The following ZDHHC19 variants were observed in gnomAD, a reference collection of about 807,000 sequenced individuals.
ZDHHC19 encodes the protein zDHHC palmitoyltransferase 19, also known as palmitoyltransferase ZDHHC19.
A neutral mutation model predicts 33.9 loss-of-function variants in ZDHHC19; 30 were observed. That is an observed-to-expected ratio of 0.88 (90% CI 0.66 to 1.20). ZDHHC19 has a LOEUF of 1.20. Among genes scored for constraint, ZDHHC19 ranks in the 50% most tolerant of loss-of-function variants. ZDHHC19 has a pLI of 0.00. For missense variants in ZDHHC19, 364 were observed against 401.1 expected (o/e 0.91, Z 0.79); for synonymous variants, 178 against 167.6 (o/e 1.06, Z -0.48).
chr3:196,208,215 T>C (rs1722930526), intron 4 of ZDHHC19, among the ~76,000 whole-genome samples, 173 bp downstream of exon 4: 1 of 151,638 alleles, frequency 6.6e-6, no homozygotes, highest in Non-Finnish European at 1.5e-5. Context: ...GGCTTAACGC[T>C]CCGCCCCTTC....
At chr3:196,208,198 C>A (rs1722928502) in intron 4 of ZDHHC19, among the ~76,000 whole-genome samples, 190 bp downstream of exon 4, 1 of 152,096 alleles carries the variant, frequency 6.6e-6, no homozygotes, top group African/African-American at 2.4e-5. Context: ...CGCGCCGGCC[C>A]GGGGGAGGCT....
chr3:196,210,636 T>A lies in ZDHHC19; in HGVS notation c.248A>T (p.Asp83Val). The change falls in exon 2 of 8, where the codon GAC (aspartate) becomes GTC (valine). Residue 83 changes from aspartate (D) to valine (V), a missense_variant. By Grantham distance (152) the Asp-to-Val change is radical (BLOSUM62 -3). Coordinates refer to ENST00000296326, the MANE Select transcript of ZDHHC19 (RefSeq NM_001039617.2). ...FFSLVSLNFS[D>V]PGILHQGSAE... ...CTCACCTTGATGTAAGATGCCAGGG[T>A]CTGAGAAGTTGAGTGAAACAAGACT... 4 of 1,613,854 alleles carry A rather than the reference T, an allele frequency of 2.5e-6. No homozygotes were observed. Among genetic ancestry groups the A allele is most frequent in the South Asian group, 1.1e-5 (1 of 91,064 alleles).
intron 5 of ZDHHC19, among the ~76,000 whole-genome samples, chr3:196,199,107 G>A (rs752427615): frequency 5.7e-4 from 87 of 152,212 alleles, no homozygotes; most frequent in Non-Finnish European, 9.4e-4. Context: ...GAATGTCACT[G>A]TCTGGAAGGT....
rs373650309 is a variant in ZDHHC19 at position 196,207,393 on chromosome 3, C to T, written c.687+5G>A. 23 of 1,554,320 alleles carry T rather than the reference C, an allele frequency of 1.5e-5. No individual in the cohort carries two copies. Among genetic ancestry groups the T allele is most frequent in the Middle Eastern group, 3.3e-4 (2 of 5,990 alleles). ...TGCAAGCTGACCACCCGCGGCCCCG[C>T]GTACCTTGCCCTTGTAGGTGCGGTC... On this transcript the variant is annotated splice_donor_5th_base_variant and intron_variant, in intron 5 of 7. Transcript: ENST00000296326.
At position 196,203,297 on chromosome 3, in the gene ZDHHC19, C is replaced by T. The variant is rs148758870; in HGVS notation, c.687+4101G>A. Among the ~76,000 whole-genome samples, 308 of 152,100 alleles carry T rather than the reference C, an allele frequency of 2.0e-3. No homozygotes were observed. Among genetic ancestry groups the T allele is most frequent in the African/African-American group, 7.1e-3 (293 of 41,492 alleles). The stretch of plus-strand genomic sequence containing the variant: ...GAAAGAAAGAGAGAGAGAAATTGAA[C>T]GGTATTAATAGTAGCGACATCTAGA... On this transcript the variant is annotated intron_variant, in intron 5 of 7. Coordinates refer to ENST00000296326, the MANE Select transcript of ZDHHC19 (RefSeq NM_001039617.2). This position sits in a 1 kb window ranked among gnomAD's most constrained non-coding sequence, Gnocchi z 4.3.
At chr3:196,210,240 AG>A (rs1219186332) in intron 2 of ZDHHC19, among the ~76,000 whole-genome samples, 2 of 145,876 alleles carry the variant, frequency 1.4e-5, no homozygotes, top group African/African-American at 5.2e-5. Flanking sequence ...AAAGAAGGAA[AG>A]AAAGAAAGAA....
chr3:196,203,622 C>T lies in ZDHHC19; in HGVS notation c.687+3776G>A, dbSNP rs1483674370. ...GAGCCCTGCCTGGTGAATCGCAGGC[C>T]ACGTTAGGGTCCCTGGAGGCTGGAG... is the stretch of plus-strand genomic sequence containing the variant. On this transcript the variant is annotated intron_variant, in intron 5 of 7. Transcript: ENST00000296326. This position sits in a 1 kb window ranked among gnomAD's most constrained non-coding sequence, Gnocchi z 4.3. Among the ~76,000 whole-genome samples the T allele has an allele frequency of 6.6e-6, 1 of 152,136 alleles. No homozygotes were observed. The highest frequency in any genetic ancestry group is 6.5e-5 in the Admixed American group (1 of 15,280).
chr3:196,208,651 T>C lies in ZDHHC19; in HGVS notation c.409-91A>G, dbSNP rs541530335. 1.6e-5 allele frequency: 24 copies of C among 1,455,744 alleles called. No individual in the cohort carries two copies. The South Asian group carries it at 2.8e-4, about 17-fold the overall frequency. 90.2% of individuals were successfully genotyped at this position (1,455,744 alleles called of 1,614,324 possible). ...ATCCTGAGGCCCTCCCCCTGCCTTC[T>C]AGGCCACCTGCCCTTGGCCCATGCA... On this transcript the variant is annotated intron_variant, in intron 3 of 7. Transcript: ENST00000296326.
intron 2 of ZDHHC19, among the ~76,000 whole-genome samples, 175 bp from the exon 3 acceptor site, chr3:196,209,690 C>T (rs4916503): frequency 0.55 from 84,382 of 152,064 alleles, 23,516 homozygotes; most frequent in African/African-American, 0.56. Context: ...AAAGGGAAGA[C>T]GGGTTTCCAG....
Position 196,207,030 on chromosome 3 carries a change from A to C in ZDHHC19, c.687+368T>G, listed in dbSNP as rs890947296. Reference sequence around the variant, plus strand: ...ACCATGTGGTCCTCCCTCAACCCTCAATGCCTGAGTCTGCGCCACACAGCT... The same window carrying C: ...ACCATGTGGTCCTCCCTCAACCCTCCATGCCTGAGTCTGCGCCACACAGCT... On this transcript the variant is annotated intron_variant, in intron 5 of 7. Coordinates refer to ENST00000296326, the MANE Select transcript of ZDHHC19 (RefSeq NM_001039617.2). 2.6e-5 allele frequency among the ~76,000 whole-genome samples: 4 copies of C among 151,910 alleles called. No homozygotes were observed. The South Asian group carries it at 6.2e-4, about 24-fold the overall frequency.
intron 2 of ZDHHC19, among the ~76,000 whole-genome samples, chr3:196,210,162 G>A (rs1403378161): frequency 1.3e-5 from 2 of 151,186 alleles, no homozygotes; most frequent in Admixed American, 6.6e-5. Flanking sequence ...CTGCACTCCC[G>A]CCTGGGCAGC....
intron 5 of ZDHHC19, 100 bp from the exon 6 acceptor site, chr3:196,198,974 C>T: frequency 8.3e-7 from 1 of 1,198,860 alleles, no homozygotes; most frequent in Non-Finnish European, 1.2e-6. Flanking sequence ...AGCCAGGGCT[C>T]AGCCCAGGGC....
chr3:196,204,291 C>CA (rs1181146392), intron 5 of ZDHHC19, among the ~76,000 whole-genome samples: 5 of 151,772 alleles, frequency 3.3e-5, no homozygotes, highest in African/African-American at 9.7e-5. Context: ...TACAATAGCA[C>CA]AAAAAAAGAA....
At chr3:196,206,679 C>CTTTT (rs10578928) in intron 5 of ZDHHC19, among the ~76,000 whole-genome samples, 3 of 112,770 alleles carry the variant, frequency 2.7e-5, no homozygotes, top group Non-Finnish European at 5.3e-5. Flanking sequence ...CTTTTCTTTT[C>CTTTT]TTTTTTTTTT....
chr3:196,208,314 C>T, intron 4 of ZDHHC19, 74 bp downstream of exon 4: 3 of 1,453,970 alleles, frequency 2.1e-6, no homozygotes, highest in East Asian at 2.7e-5. Flanking sequence ...GCCCCGCCCC[C>T]ATAGCCCCGC....
At chr3:196,206,774 C>T (rs368914841) in intron 5 of ZDHHC19, among the ~76,000 whole-genome samples, 44 of 150,988 alleles carry the variant, frequency 2.9e-4, no homozygotes, top group African/African-American at 1.0e-3. Context: ...TCCGCCTCTC[C>T]GGTTCACGCC....
Position 196,203,012 on chromosome 3 carries a change from C to A in ZDHHC19, c.688-4138G>T, listed in dbSNP as rs6796530. Reference sequence around the variant, plus strand: ...GCAGTGGCTCAGCCTGTAATCCCAGCACTTTGGGAGGCCGAGGCGAGTGGC... The same window carrying A: ...GCAGTGGCTCAGCCTGTAATCCCAGAACTTTGGGAGGCCGAGGCGAGTGGC... On this transcript the variant is annotated intron_variant, in intron 5 of 7. Transcript: ENST00000296326. The surrounding 1 kb of genome is among the most constrained non-coding windows in gnomAD (Gnocchi z 4.3). 0.04 allele frequency among the ~76,000 whole-genome samples: 6,116 copies of A among 152,186 alleles called. 156 individuals are homozygous for A. Among genetic ancestry groups the A allele is most frequent in the East Asian group, 0.06 (309 of 5,176 alleles).
intron 5 of ZDHHC19, among the ~76,000 whole-genome samples, chr3:196,202,805 G>A (rs529293408): frequency 2.6e-4 from 39 of 152,328 alleles, no homozygotes; most frequent in Admixed American, 3.9e-4. Context: ...TGAAGCTGCC[G>A]GGGAAGGGGG....
Position 196,203,441 on chromosome 3 carries a change from T to A in ZDHHC19, c.687+3957A>T, listed in dbSNP as rs1406435294. Among the ~76,000 whole-genome samples the A allele has an allele frequency of 6.6e-6, 1 of 152,192 alleles. No homozygotes were observed. The highest frequency in any genetic ancestry group is 1.5e-5 in the Non-Finnish European group (1 of 68,030). ...AATATACCCAGGATCTCTCTGCTGG[T>A]ATGCTGTGGAGCTGTGATGTGAACA... On this transcript the variant is annotated intron_variant, in intron 5 of 7. Coordinates refer to ENST00000296326, the MANE Select transcript of ZDHHC19 (RefSeq NM_001039617.2). This position sits in a 1 kb window ranked among gnomAD's most constrained non-coding sequence, Gnocchi z 4.3.
Sources: allele counts gnomAD v4.1 joint callset (sites outside exome capture counted in the v4.1 genomes callset), GRCh38; gene constraint gnomAD v4.1.1; non-coding constraint Gnocchi (gnomAD v3.1); transcripts MANE v1.5; gene names NCBI Gene and HGNC (gene_info 2026-07-23, HGNC 2026-07-21).